KCNAB1: variants seen among roughly 807,000 people sequenced by gnomAD.
KCNAB1 encodes the protein potassium voltage-gated channel subfamily A regulatory beta subunit 1.
A neutral mutation model predicts 64.6 loss-of-function variants in KCNAB1; 35 were observed. That is an observed-to-expected ratio of 0.54 (90% CI 0.41 to 0.72). The LOEUF (loss-of-function observed/expected upper bound fraction) is 0.72. Among genes scored for constraint, KCNAB1 ranks in the 30% least tolerant of loss-of-function variants. The pLI is 0.00. For missense variants in KCNAB1, 401 were observed against 512.9 expected (o/e 0.78, Z 2.11); for synonymous variants, 177 against 183.8 (o/e 0.96, Z 0.30).
At chr3:156,245,974 T>TA (rs5853746) in intron 1 of KCNAB1, among the ~76,000 whole-genome samples, 2,296 of 150,890 alleles carry the variant, frequency 0.015, 22 homozygotes, top group Non-Finnish European at 0.023. Flanking sequence ...TCAATATTGG[T>TA]AAAAAAAAAA....
chr3:156,524,816 A>C (rs565054861), intron 12 of KCNAB1, among the ~76,000 whole-genome samples: 1 of 151,360 alleles, frequency 6.6e-6, no homozygotes, highest in African/African-American at 2.4e-5. Flanking sequence ...GAGAAAGATA[A>C]TATGAACCAC....
intron 3 of KCNAB1, among the ~76,000 whole-genome samples, chr3:156,454,623 T>C (rs1238880615): frequency 6.6e-6 from 1 of 152,008 alleles, no homozygotes; most frequent in African/African-American, 2.4e-5. Context: ...AAGGGGTGTA[T>C]GGAGGAGGCA....
chr3:156,195,374 A>G (rs1321058799), intron 1 of KCNAB1, among the ~76,000 whole-genome samples: 3 of 152,216 alleles, frequency 2.0e-5, no homozygotes, highest in African/African-American at 7.2e-5. Context: ...GTCTTCCACA[A>G]TGGTTGAACT....
chr3:156,279,457 T>C (rs1719559526), intron 1 of KCNAB1, among the ~76,000 whole-genome samples: 1 of 152,160 alleles, frequency 6.6e-6, no homozygotes, highest in Non-Finnish European at 1.5e-5. Context: ...AGCAGCATGG[T>C]TTATAGTCCT....
intron 1 of KCNAB1, among the ~76,000 whole-genome samples, chr3:156,265,495 C>T (rs922324355): frequency 6.6e-6 from 1 of 152,166 alleles, no homozygotes; most frequent in African/African-American, 2.4e-5. Flanking sequence ...GTGATCCTTT[C>T]ATGTGGATTC....
At chr3:156,406,910 A>G (rs1440882001) in intron 1 of KCNAB1, among the ~76,000 whole-genome samples, 2 of 152,140 alleles carry the variant, frequency 1.3e-5, no homozygotes, top group African/African-American at 2.4e-5. Context: ...GGTTCCAAAT[A>G]CCAAAACCCT....
chr3:156,420,725 C>A (rs1032632111), intron 1 of KCNAB1, among the ~76,000 whole-genome samples: 3 of 152,076 alleles, frequency 2.0e-5, no homozygotes, highest in Admixed American at 2.0e-4. Flanking sequence ...TATGAGGCAC[C>A]CTGTCTCTGA....
At chr3:156,358,806 G>A (rs1725422382) in intron 1 of KCNAB1, among the ~76,000 whole-genome samples, 1 of 152,104 alleles carries the variant, frequency 6.6e-6, no homozygotes, top group African/African-American at 2.4e-5. Context: ...TTTGATGAAG[G>A]TTAAGTAAGT....
chr3:156,171,743 G>GCCT, intron 1 of KCNAB1, among the ~76,000 whole-genome samples: 1 of 152,128 alleles, frequency 6.6e-6, no homozygotes, highest in East Asian at 1.9e-4. Flanking sequence ...ACGCTACATG[G>GCCT]CCTCTAATCT....
chr3:156,422,737 G>T (rs993113855), intron 2 of KCNAB1, among the ~76,000 whole-genome samples: 1 of 152,160 alleles, frequency 6.6e-6, no homozygotes, highest in Non-Finnish European at 1.5e-5. Flanking sequence ...GTTTAAGCCC[G>T]GATCCTGGAT....
At chr3:156,367,174 T>C in intron 1 of KCNAB1, among the ~76,000 whole-genome samples, 1 of 130,346 alleles carries the variant, frequency 7.7e-6, no homozygotes, top group African/African-American at 4.3e-5. Flanking sequence ...AATCTACCTT[T>C]TTTTTTTTTT....
intron 1 of KCNAB1, among the ~76,000 whole-genome samples, chr3:156,144,974 C>G (rs1248023488): frequency 6.6e-6 from 1 of 152,184 alleles, no homozygotes; most frequent in Admixed American, 6.5e-5. Context: ...GAAAGCAAAG[C>G]TGCCTCAGCT....
chr3:156,286,739 G>A (rs1238330526), intron 1 of KCNAB1, among the ~76,000 whole-genome samples: 1 of 152,084 alleles, frequency 6.6e-6, no homozygotes, highest in Non-Finnish European at 1.5e-5. Context: ...AAATATCGGG[G>A]TTTCTTTTAA....
chr3:156,411,760 C>T (rs1714680531), intron 1 of KCNAB1, among the ~76,000 whole-genome samples: 1 of 152,178 alleles, frequency 6.6e-6, no homozygotes, highest in Non-Finnish European at 1.5e-5. Flanking sequence ...TTTTAACATA[C>T]ACAACACTGC....
intron 1 of KCNAB1, among the ~76,000 whole-genome samples, chr3:156,345,477 T>A (rs927870075): frequency 5.9e-5 from 9 of 152,192 alleles, no homozygotes; most frequent in Admixed American, 4.6e-4. Context: ...TGTTTTAGTT[T>A]GAGGGTGTTC....
chr3:156,386,221 C>A (rs1712576757), intron 1 of KCNAB1, among the ~76,000 whole-genome samples: 1 of 152,174 alleles, frequency 6.6e-6, no homozygotes, highest in African/African-American at 2.4e-5. Context: ...ACTTGAAGAA[C>A]AAGTGTGGTG....
intron 1 of KCNAB1, among the ~76,000 whole-genome samples, chr3:156,388,032 G>T (rs546061830): frequency 5.5e-4 from 83 of 152,260 alleles, no homozygotes; most frequent in African/African-American, 1.7e-3. Context: ...CATTTCTGTA[G>T]AAAAGACATA....
At chr3:156,377,731 T>C (rs1318188170) in intron 1 of KCNAB1, among the ~76,000 whole-genome samples, 5 of 152,156 alleles carry the variant, frequency 3.3e-5, no homozygotes, top group African/African-American at 1.2e-4. Context: ...GAGCGATTGC[T>C]AAGAAAACTT....
chr3:156,276,133 CA>C (rs762522764), intron 1 of KCNAB1, among the ~76,000 whole-genome samples: 36 of 151,870 alleles, frequency 2.4e-4, no homozygotes, highest in South Asian at 8.6e-4. Context: ...GGCATGAAAA[CA>C]ACATTAATCC....
Sources: gnomAD v4.1 joint callset for allele counts (sites outside exome capture counted in the v4.1 genomes callset) on GRCh38, gnomAD v4.1.1 for gene constraint, MANE v1.5 for transcripts, NCBI Gene and HGNC (gene_info 2026-07-23, HGNC 2026-07-21) for gene names.